The following TOM1L2 variants were observed in gnomAD, a reference collection of about 807,000 sequenced individuals.
TOM1L2 encodes TOM1-like protein 2.
In TOM1L2, 31 loss-of-function variants were observed where a neutral mutation model predicts 67.9. The observed-to-expected ratio is 0.46, with a 90% confidence interval of 0.34 to 0.62. The LOEUF (loss-of-function observed/expected upper bound fraction) is 0.62, where lower values mean the gene tolerates loss of function less well. Ranked by LOEUF, TOM1L2 falls within the 20% of genes least tolerant of loss-of-function variation. The pLI is 0.01. For synonymous variants in TOM1L2, 256 were observed against 254.0 expected (o/e 1.01, Z -0.07); for missense variants, 606 against 663.5 (o/e 0.91, Z 0.95).
chr17:17,912,347 G>C (rs1417129137), intron 1 of TOM1L2, among the ~76,000 whole-genome samples: 1 of 152,054 alleles, frequency 6.6e-6, no homozygotes, highest in African/African-American at 2.4e-5. Context: ...TCACTTCCCA[G>C]ACGGGGTGGC....
At chr17:17,929,613 A>G (rs1368043342) in intron 1 of TOM1L2, among the ~76,000 whole-genome samples, 5 of 152,208 alleles carry the variant, frequency 3.3e-5, no homozygotes. Context: ...CCTGGGCAAC[A>G]ACAGCAAAAA....
chr17:17,917,137 G>A (rs931309331), intron 1 of TOM1L2, among the ~76,000 whole-genome samples: 1 of 152,088 alleles, frequency 6.6e-6, no homozygotes, highest in African/African-American at 2.4e-5. Flanking sequence ...TCCAGCCTGG[G>A]AGACAGAGTG....
At chr17:17,963,674 T>C (rs941985612) in intron 1 of TOM1L2, among the ~76,000 whole-genome samples, 1 of 152,182 alleles carries the variant, frequency 6.6e-6, no homozygotes, top group African/African-American at 2.4e-5. Flanking sequence ...AGATGCTAAA[T>C]ACCAGTGACA....
intron 1 of TOM1L2, among the ~76,000 whole-genome samples, chr17:17,928,894 G>T (rs1251236251): frequency 1.3e-5 from 2 of 152,068 alleles, no homozygotes; most frequent in Non-Finnish European, 2.9e-5. Context: ...GATTCACAAA[G>T]TGCTTCTGCT....
At chr17:17,863,124 C>T (rs1427506125) in intron 10 of TOM1L2, 2 of 365,478 alleles carry the variant, frequency 5.5e-6, no homozygotes, top group Non-Finnish European at 1.0e-5. Context: ...GGGACTGGCG[C>T]CAGTGCACCT....
At chr17:17,907,608 G>T in intron 1 of TOM1L2, 77 bp from the exon 2 acceptor site, 4 of 1,273,304 alleles carry the variant, frequency 3.1e-6, no homozygotes, top group Non-Finnish European at 4.5e-6. Context: ...GAAGAGACCA[G>T]AACCACCACA....
At position 17,862,758 on chromosome 17, in the gene TOM1L2, CCT is replaced by C. The variant is rs766472530; in HGVS notation, c.1173_1174del (p.Gly392LysfsTer5). 6.2e-7 allele frequency: 1 copy of C among 1,613,854 alleles called. No individual in the cohort carries two copies. The highest frequency in any genetic ancestry group is 1.1e-5 in the South Asian group (1 of 91,066). Reference sequence around the variant, plus strand: ...CTTGCGCTGCTCAGCCAAGGAGTTTCCTCTCGTCTGGGCAAACATGTCAAAGC... The same window carrying C: ...CTTGCGCTGCTCAGCCAAGGAGTTTCCTCGTCTGGGCAAACATGTCAAAGC... On this transcript the variant is annotated frameshift_variant, in exon 11 of 15. Coordinates refer to ENST00000379504, the MANE Select transcript of TOM1L2 (RefSeq NM_001082968.2). LOFTEE classifies it high-confidence loss of function.
chr17:17,857,945 C>A, intron 12 of TOM1L2: 1 of 1,184,666 alleles, frequency 8.4e-7, no homozygotes, highest in Non-Finnish European at 1.2e-6. Context: ...AGACGTGATC[C>A]TTTGCCACGT....
chr17:17,949,885 T>A (rs1208009809), intron 1 of TOM1L2, among the ~76,000 whole-genome samples: 4 of 152,178 alleles, frequency 2.6e-5, no homozygotes, highest in South Asian at 2.1e-4. Flanking sequence ...TTATTTATTT[T>A]TTTGAGACAG....
intron 1 of TOM1L2, among the ~76,000 whole-genome samples, chr17:17,913,641 T>G (rs2039503236): frequency 6.6e-6 from 1 of 152,230 alleles, no homozygotes; most frequent in Admixed American, 6.5e-5. Context: ...GCATTCTTTT[T>G]GGGTTGGTTC....
chr17:17,899,815 G>A (rs1315629245), intron 2 of TOM1L2, among the ~76,000 whole-genome samples: 2 of 152,242 alleles, frequency 1.3e-5, no homozygotes, highest in African/African-American at 4.8e-5. Context: ...TATTCCTACA[G>A]TTTTAAAACA....
chr17:17,962,682 T>G (rs2041732386), intron 1 of TOM1L2, among the ~76,000 whole-genome samples: 2 of 152,038 alleles, frequency 1.3e-5, no homozygotes, highest in African/African-American at 4.8e-5. Context: ...ATTTTGGGCC[T>G]GGTGTGGTGG....
At chr17:17,938,528 A>T (rs1158314321) in intron 1 of TOM1L2, among the ~76,000 whole-genome samples, 6 of 152,180 alleles carry the variant, frequency 3.9e-5, no homozygotes, top group Non-Finnish European at 1.5e-5. Flanking sequence ...TCAATCCTCC[A>T]CTAGAGAATG....
At chr17:17,850,822 C>A in intron 13 of TOM1L2, 71 bp downstream of exon 13, 2 of 1,559,472 alleles carry the variant, frequency 1.3e-6, no homozygotes, top group Non-Finnish European at 1.8e-6. Context: ...TGATGCTCCC[C>A]CAAGGCCTGT....
chr17:17,868,472 C>T (rs779900262), intron 8 of TOM1L2, among the ~76,000 whole-genome samples: 5 of 152,158 alleles, frequency 3.3e-5, no homozygotes, highest in Admixed American at 6.5e-5. Flanking sequence ...TCAGCTGGTG[C>T]GGCAGAGGGG....
At chr17:17,884,849 TC>T in intron 4 of TOM1L2, 81 bp from the exon 5 acceptor site, 2 of 1,576,278 alleles carry the variant, frequency 1.3e-6, no homozygotes, top group Non-Finnish European at 1.7e-6. Context: ...CCACGTCCTC[TC>T]CCCGAGACCA....
chr17:17,905,130 CAACTATTT>C (rs2039034411), intron 2 of TOM1L2, among the ~76,000 whole-genome samples: 1 of 152,234 alleles, frequency 6.6e-6, no homozygotes, highest in Non-Finnish European at 1.5e-5. Context: ...TAGTCCCTAA[CAACTATTT>C]GTGAGTCACG....
rs139022042 is a variant in TOM1L2 at position 17,898,658 on chromosome 17, G to T, written c.154C>A (p.Arg52=). The T allele has an allele frequency of 1.1e-3, 1,787 of 1,614,176 alleles. 2 individuals are homozygous for T. Among genetic ancestry groups the T allele is most frequent in the Admixed American group, 1.8e-3 (111 of 60,024 alleles). The change falls in exon 3 of 15, where the codon CGA becomes AGA. Residue 52 remains arginine (R), a synonymous_variant. Transcript: ENST00000379504. ...CCGTTGAGCCGCTTCTTCAGGGCTC[G>T]AATGGCATCCTTTGGCCTGGAAAAA... is the stretch of plus-strand genomic sequence containing the variant. ...ETEEGPKDAI[R]ALKKRLNGNR... is the part of the protein sequence containing the mutation.
At chr17:17,915,902 T>A (rs964604644) in intron 1 of TOM1L2, among the ~76,000 whole-genome samples, 3 of 150,682 alleles carry the variant, frequency 2.0e-5, no homozygotes, top group African/African-American at 7.3e-5. Context: ...TGAATATTAA[T>A]CCCGCCTATT....
Sources: gnomAD v4.1 joint callset for allele counts (sites outside exome capture counted in the v4.1 genomes callset) on GRCh38, gnomAD v4.1.1 for gene constraint, MANE v1.5 for transcripts, NCBI Gene and HGNC (gene_info 2026-07-23, HGNC 2026-07-21) for gene names.